Variants in CFAP20DC observed in about 807,000 individuals in gnomAD.
CFAP20DC encodes CFAP20 domain containing.
A neutral mutation model predicts 101.7 loss-of-function variants in CFAP20DC; 84 were observed. The ratio of observed to expected loss-of-function variants is 0.83; its 90% CI spans 0.69 to 0.99. The LOEUF is 0.99. Among genes scored for constraint, CFAP20DC ranks in the 50% least tolerant of loss-of-function variants. The pLI is 0.00. For missense variants in CFAP20DC, 1,007 were observed against 970.3 expected, an observed-to-expected ratio of 1.04 and a Z score of -0.50; for synonymous variants, 359 against 351.2, an observed-to-expected ratio of 1.02 and a Z score of -0.25.
chr3:58,971,319 G>C lies in CFAP20DC; in HGVS notation c.279-33557C>G, dbSNP rs995083609. Among the ~76,000 whole-genome samples, 11 of 152,036 alleles carry C rather than the reference G, an allele frequency of 7.2e-5. No homozygotes were observed. The highest frequency in any genetic ancestry group is 2.7e-4 in the African/African-American group (11 of 41,370). On this transcript the variant is annotated intron_variant, in intron 4 of 16. Coordinates refer to ENST00000482387, the MANE Select transcript of CFAP20DC (RefSeq NM_001394063.1). This position sits in a 1 kb window ranked among gnomAD's most constrained non-coding sequence, Gnocchi z 4.1. The stretch of plus-strand genomic sequence containing the variant: ...GATATTTCCAATTATTTATAGTCTT[G>C]AAAACTTTTTTTTAAAGTTTAAAAT...
At chr3:58,963,884 C>T (rs1425297668) in intron 4 of CFAP20DC, among the ~76,000 whole-genome samples, 1 of 152,144 alleles carries the variant, frequency 6.6e-6, no homozygotes, top group Non-Finnish European at 1.5e-5. Context: ...TAACCCCTCC[C>T]TTTTGCAGTT....
At chr3:58,837,539 G>C (rs1173605120) in intron 13 of CFAP20DC, among the ~76,000 whole-genome samples, 1 of 152,108 alleles carries the variant, frequency 6.6e-6, no homozygotes, top group East Asian at 1.9e-4. Context: ...GGTTGCATGG[G>C]TGTGTTCAGT....
chr3:58,957,742 G>C (rs979737469), intron 4 of CFAP20DC, among the ~76,000 whole-genome samples: 30 of 152,192 alleles, frequency 2.0e-4, no homozygotes, highest in African/African-American at 6.5e-4. Flanking sequence ...GTAAAAAAAA[G>C]CCAAGCACAA....
chr3:58,937,842 T>C, intron 4 of CFAP20DC, 80 bp from the exon 5 acceptor site: 4 of 790,890 alleles, frequency 5.1e-6, no homozygotes, highest in South Asian at 4.6e-5. Context: ...CAAAATGATA[T>C]AATTTATCAT....
chr3:58,818,460 T>A (rs928470158), intron 14 of CFAP20DC, among the ~76,000 whole-genome samples: 22 of 151,086 alleles, frequency 1.5e-4, no homozygotes, highest in African/African-American at 5.4e-4. Context: ...ACCAAGCAAA[T>A]GGAAAACTGA....
intron 13 of CFAP20DC, among the ~76,000 whole-genome samples, chr3:58,842,592 C>T (rs2077229996): frequency 1.3e-5 from 2 of 152,028 alleles, no homozygotes; most frequent in African/African-American, 4.8e-5. Flanking sequence ...GGGGGAGGGG[C>T]GCCCGCCATT....
rs1328017259 is a variant in CFAP20DC at position 58,815,939 on chromosome 3, G to GA, written c.2176-9484dup. ...ACTGTAAACTAGTTCAACCATTGTG[G>GA]AAGTCAGTGTGGCGACTCCTCAGGG... On this transcript the variant is annotated intron_variant, in intron 14 of 16. Transcript: ENST00000482387. 4.0e-5 allele frequency among the ~76,000 whole-genome samples: 6 copies of GA among 151,668 alleles called. No individual in the cohort carries two copies. The East Asian group carries it at 9.7e-4, about 24-fold the overall frequency.
chr3:58,726,773 C>T (rs1268583936), intron 3 of CFAP20DC: 2 of 234,934 alleles, frequency 8.5e-6, no homozygotes. Context: ...AATACTTCCA[C>T]TGACACCATC....
rs1229231310 is a variant in CFAP20DC at position 59,047,149 on chromosome 3, A to G, written c.111+16T>C. On this transcript the variant is annotated intron_variant, in intron 2 of 16. Transcript: ENST00000482387. ...TTCTTCCCCTGATTTATGTGGCTCT[A>G]ATTTCTAATACTTACTTTCCAAATC... The G allele has an allele frequency of 3.4e-6, 5 of 1,483,500 alleles. No homozygotes were observed. The highest frequency in any genetic ancestry group is 4.5e-6 in the Non-Finnish European group (5 of 1,100,692). The allele number at this position is 1,483,500 out of a possible 1,614,324, so 91.9% of individuals were successfully genotyped here. A position where few individuals can be genotyped will look rare whatever the true frequency, so the allele number is the denominator to read the frequency against.
In CFAP20DC at chr3:58,753,344, T is replaced by C. The variant is rs540508581; in HGVS notation, c.2332+425A>G. On this transcript the variant is annotated intron_variant, in intron 16 of 16. Coordinates refer to ENST00000482387, the MANE Select transcript of CFAP20DC (RefSeq NM_001394063.1). ...ACAGCTGGTATTTGGTAGGCACTAT[T>C]CTAAGTGCTTCATATACAGCACCTC... is the stretch of plus-strand genomic sequence containing the variant. Among the ~76,000 whole-genome samples the C allele has an allele frequency of 2.6e-5, 4 of 152,312 alleles. No individual in the cohort carries two copies. In the East Asian group the frequency reaches 7.7e-4, roughly 29 times the overall value.
intron 14 of CFAP20DC, among the ~76,000 whole-genome samples, chr3:58,809,509 A>G (rs1299556770): frequency 1.3e-5 from 2 of 152,110 alleles, no homozygotes; most frequent in Non-Finnish European, 2.9e-5. Context: ...ACCAACGAGA[A>G]CAAAGACATA....
intron 12 of CFAP20DC, among the ~76,000 whole-genome samples, chr3:58,860,323 C>T (rs2079148149): frequency 6.6e-6 from 1 of 151,404 alleles, no homozygotes; most frequent in Non-Finnish European, 1.5e-5. Context: ...CTAAAAAAAA[C>T]TCTTGAAAGC....
chr3:58,880,328 T>TG (rs2081138731), intron 7 of CFAP20DC, among the ~76,000 whole-genome samples: 2 of 152,168 alleles, frequency 1.3e-5, no homozygotes, highest in South Asian at 2.1e-4. Flanking sequence ...ACAACATTCT[T>TG]GGTTTCTATT....
At chr3:58,982,835 T>C (rs2092616707) in intron 4 of CFAP20DC, among the ~76,000 whole-genome samples, 1 of 152,016 alleles carries the variant, frequency 6.6e-6, no homozygotes, top group Non-Finnish European at 1.5e-5. Flanking sequence ...TGTGCACATG[T>C]ACCCTAAAAA....
At position 58,837,680 on chromosome 3, in the gene CFAP20DC, T is replaced by A. The variant is rs1575832592; in HGVS notation, c.1972-5791A>T. On this transcript the variant is annotated intron_variant, in intron 13 of 16. Transcript: ENST00000482387. ...AGTCTTAGCAGTGAAAAAAAGTATTTTGTAAATACAGCTGGAGAGTCAGTA... is the reference window on the plus strand; with the variant it reads ...AGTCTTAGCAGTGAAAAAAAGTATTATGTAAATACAGCTGGAGAGTCAGTA... 2.6e-5 allele frequency among the ~76,000 whole-genome samples: 4 copies of A among 152,172 alleles called. No individual in the cohort carries two copies. The South Asian group carries it at 8.3e-4, about 31-fold the overall frequency.
chr3:58,909,129 T>G (rs2083894092), intron 6 of CFAP20DC, among the ~76,000 whole-genome samples: 1 of 152,160 alleles, frequency 6.6e-6, no homozygotes, highest in Non-Finnish European at 1.5e-5. Context: ...GTACCAAGAA[T>G]GAATTCTAAT....
At chr3:58,938,158 T>A (rs2087971954) in intron 4 of CFAP20DC, among the ~76,000 whole-genome samples, 1 of 152,208 alleles carries the variant, frequency 6.6e-6, no homozygotes, top group African/African-American at 2.4e-5. Flanking sequence ...ATTATGGGTT[T>A]CTTTCCCTAA....
intron 12 of CFAP20DC, among the ~76,000 whole-genome samples, chr3:58,853,084 T>C (rs188643749): frequency 0.063 from 9,543 of 152,154 alleles, 541 homozygotes; most frequent in African/African-American, 0.16. Context: ...GATAGACCGC[T>C]AGCAAGACTA....
At chr3:59,043,289 AAAG>A (rs1699561493) in intron 3 of CFAP20DC, among the ~76,000 whole-genome samples, 1 of 152,138 alleles carries the variant, frequency 6.6e-6, no homozygotes, top group South Asian at 2.1e-4. Flanking sequence ...GGAGGCTAAG[AAAG>A]AAGAACAGTG....
Sources: allele counts gnomAD v4.1 joint callset (sites outside exome capture counted in the v4.1 genomes callset), GRCh38; gene constraint gnomAD v4.1.1; non-coding constraint Gnocchi (gnomAD v3.1); transcripts MANE v1.5; gene names NCBI Gene and HGNC (gene_info 2026-07-23, HGNC 2026-07-21).